The following CPE variants were observed in gnomAD, a reference collection of about 807,000 sequenced individuals.
CPE encodes the protein carbocypeptidase E.
CPE carries 17 observed loss-of-function variants against 53.5 expected under a neutral mutation model. The ratio of observed to expected loss-of-function variants is 0.32; its 90% CI spans 0.22 to 0.48. CPE has a LOEUF of 0.48. Ranked by LOEUF, CPE falls within the 20% of genes least tolerant of loss-of-function variation. The pLI is 0.99. For missense variants in CPE, 524 were observed against 614.7 expected, an observed-to-expected ratio of 0.85 and a Z score of 1.56; for synonymous variants, 226 against 228.8, an observed-to-expected ratio of 0.99 and a Z score of 0.11.
In CPE at chr4:165,467,863, C is replaced by A; in HGVS notation, c.672+8C>A. On this transcript the variant is annotated splice_region_variant and intron_variant, in intron 3 of 8. Transcript: ENST00000402744. ...GTGGATCAAAACACAAAGGTAGTGACCACGGGATAGTCTTCTTGGGTTCGT... is the reference window on the plus strand; with the variant it reads ...GTGGATCAAAACACAAAGGTAGTGAACACGGGATAGTCTTCTTGGGTTCGT... The A allele has an allele frequency of 6.2e-7, 1 of 1,612,618 alleles. No homozygotes were observed. Among genetic ancestry groups the A allele is most frequent in the African/African-American group, 1.3e-5 (1 of 74,918 alleles).
Position 165,497,785 on chromosome 4 carries a change from T to G in CPE, c.*175T>G, listed in dbSNP as rs1732729120. 1 of 351,192 alleles carries G rather than the reference T, an allele frequency of 2.8e-6. No individual in the cohort carries two copies. The highest frequency in any genetic ancestry group is 4.7e-5 in the Admixed American group (1 of 21,432). The allele number at this position is 351,192 out of a possible 1,614,324, so 21.8% of individuals were successfully genotyped here. ...CCTCTTAGGTAAAAATATAAGAACT[T>G]GATATATTTCATTCTCTTATATAGT... On this transcript the variant is annotated 3_prime_UTR_variant, in exon 9 of 9. Coordinates refer to ENST00000402744, the MANE Select transcript of CPE (RefSeq NM_001873.4).
intron 7 of CPE, among the ~76,000 whole-genome samples, chr4:165,495,282 C>T (rs1732687358): frequency 6.6e-6 from 1 of 152,036 alleles, no homozygotes; most frequent in African/African-American, 2.4e-5. Flanking sequence ...ACCTGTGTTG[C>T]TCCTGATGTG....
intron 1 of CPE, among the ~76,000 whole-genome samples, chr4:165,412,260 T>C (rs975811911): frequency 2.6e-5 from 4 of 152,242 alleles, no homozygotes; most frequent in African/African-American, 7.2e-5. Flanking sequence ...TGAGAGATTG[T>C]GGATTTTTAA....
chr4:165,391,207 T>G (rs185209540), intron 1 of CPE, among the ~76,000 whole-genome samples: 1 of 152,160 alleles, frequency 6.6e-6, no homozygotes, highest in African/African-American at 2.4e-5. Context: ...TATAATTTTG[T>G]GACCTCTGCA....
At chr4:165,399,101 G>T (rs1730827715) in intron 1 of CPE, among the ~76,000 whole-genome samples, 1 of 152,054 alleles carries the variant, frequency 6.6e-6, no homozygotes. Flanking sequence ...TATTAATCTT[G>T]ATGTGCCTAA....
rs199872895 is a variant in CPE at position 165,434,297 on chromosome 4, T to TA, written c.308-30085dup. Among the ~76,000 whole-genome samples, 20 of 152,042 alleles carry TA rather than the reference T, an allele frequency of 1.3e-4. No individual in the cohort carries two copies. The South Asian group carries it at 2.7e-3, about 21-fold the overall frequency. ...TAGTGGGCACTTAGCAAATATTTGC[T>TA]AAAAAAAATACATTTAAATCTATAA... is the stretch of plus-strand genomic sequence containing the variant. On this transcript the variant is annotated intron_variant, in intron 1 of 8. Coordinates refer to ENST00000402744, the MANE Select transcript of CPE (RefSeq NM_001873.4).
intron 1 of CPE, among the ~76,000 whole-genome samples, chr4:165,436,294 A>C (rs1731500777): frequency 6.6e-6 from 1 of 151,950 alleles, no homozygotes; most frequent in Admixed American, 6.6e-5. Flanking sequence ...TTTACTACCC[A>C]CTTAGTGAGT....
chr4:165,451,041 G>A (rs573587592), intron 1 of CPE, among the ~76,000 whole-genome samples: 1 of 152,180 alleles, frequency 6.6e-6, no homozygotes, highest in Non-Finnish European at 1.5e-5. Flanking sequence ...CTGACAAGCC[G>A]CATGGCATCC....
chr4:165,432,769 C>CT (rs1363205067), intron 1 of CPE, among the ~76,000 whole-genome samples: 2 of 152,122 alleles, frequency 1.3e-5, no homozygotes, highest in Non-Finnish European at 2.9e-5. Context: ...CTCTGTTCAT[C>CT]TTTGTTTCCA....
chr4:165,427,351 A>G (rs980317190), intron 1 of CPE, among the ~76,000 whole-genome samples: 2 of 151,268 alleles, frequency 1.3e-5, no homozygotes, highest in African/African-American at 2.4e-5. Flanking sequence ...TTTCCTGTGC[A>G]TATGTCTTTG....
At chr4:165,482,585 C>T (rs192601627) in intron 4 of CPE, among the ~76,000 whole-genome samples, 92 of 152,258 alleles carry the variant, frequency 6.0e-4, no homozygotes, top group Middle Eastern at 3.4e-3. Flanking sequence ...TGAAGAGAAA[C>T]GTGATCTTGA....
chr4:165,461,755 T>G (rs1167167418), intron 1 of CPE, among the ~76,000 whole-genome samples: 1 of 152,178 alleles, frequency 6.6e-6, no homozygotes, highest in Non-Finnish European at 1.5e-5. Context: ...GACCCTGGGA[T>G]TTGCATGTAT....
At chr4:165,463,047 G>A (rs1220492751) in intron 1 of CPE, among the ~76,000 whole-genome samples, 1 of 152,114 alleles carries the variant, frequency 6.6e-6, no homozygotes, top group Non-Finnish European at 1.5e-5. Context: ...CAGAACAACA[G>A]GATTAATTGA....
chr4:165,390,672 T>C lies in CPE; in HGVS notation c.307+11144T>C, dbSNP rs534339650. Among the ~76,000 whole-genome samples the C allele has an allele frequency of 9.9e-5, 15 of 152,268 alleles. No individual in the cohort carries two copies. In the East Asian group the frequency reaches 1.5e-3, roughly 16 times the overall value. On this transcript the variant is annotated intron_variant, in intron 1 of 8. Coordinates refer to ENST00000402744, the MANE Select transcript of CPE (RefSeq NM_001873.4). ...CAGTATTCCACTGGTCAGTGTAGCA[T>C]TGGGATTAGTAGCATTTTTATATTT...
At chr4:165,400,853 G>A (rs1243184444) in intron 1 of CPE, among the ~76,000 whole-genome samples, 1 of 152,046 alleles carries the variant, frequency 6.6e-6, no homozygotes, top group Non-Finnish European at 1.5e-5. Flanking sequence ...TCTCACAAAG[G>A]GCCACTACTG....
chr4:165,459,914 CAAAAAA>C (rs10718543), intron 1 of CPE, among the ~76,000 whole-genome samples: 3 of 78,734 alleles, frequency 3.8e-5, no homozygotes, highest in Admixed American at 3.0e-4. Flanking sequence ...GACTCTGTCT[CAAAAAA>C]AAAAAAAAAA....
intron 1 of CPE, among the ~76,000 whole-genome samples, chr4:165,394,977 A>AAATAGTGGTATGAATTACTG (rs2126657656): frequency 6.6e-6 from 1 of 152,358 alleles, no homozygotes; most frequent in Non-Finnish European, 1.5e-5. Flanking sequence ...ATTGGACAGA[A>AAATAGTGGTATGAATTACTG]AATAGTGGTA....
chr4:165,492,861 T>C (rs189693559), intron 6 of CPE, among the ~76,000 whole-genome samples: 1 of 152,338 alleles, frequency 6.6e-6, no homozygotes, highest in Non-Finnish European at 1.5e-5. Context: ...GAGGCAGAAA[T>C]TGGGCATAAG....
At chr4:165,402,582 A>G (rs900188194) in intron 1 of CPE, among the ~76,000 whole-genome samples, 9 of 151,836 alleles carry the variant, frequency 5.9e-5, no homozygotes, top group Non-Finnish European at 1.3e-4. Flanking sequence ...TACCTCCCCC[A>G]CCTTACTCCC....
Sources: gnomAD v4.1 joint callset for allele counts (sites outside exome capture counted in the v4.1 genomes callset) on GRCh38, gnomAD v4.1.1 for gene constraint, MANE v1.5 for transcripts, NCBI Gene and HGNC (gene_info 2026-07-23, HGNC 2026-07-21) for gene names.